The following OSTN variants were observed in gnomAD, a reference collection of about 807,000 sequenced individuals.
OSTN encodes osteocrin.
Under a neutral mutation model 12.0 loss-of-function variants are expected in OSTN, and 9 were observed. The observed-to-expected ratio is 0.75, with a 90% CI of 0.45 to 1.30. The LOEUF is 1.30. Among genes scored for constraint, OSTN ranks in the 50% most tolerant of loss-of-function variants. The pLI, the probability that OSTN is intolerant of heterozygous loss-of-function variation, is 0.00. For missense variants in OSTN, 148 were observed against 152.3 expected, an observed-to-expected ratio of 0.97 and a Z score of 0.15; for synonymous variants, 59 against 56.9, an observed-to-expected ratio of 1.04 and a Z score of -0.16.
At chr3:191,208,961 C>G (rs1576922272) in intron 1 of OSTN, among the ~76,000 whole-genome samples, 1 of 152,244 alleles carries the variant, frequency 6.6e-6, no homozygotes, top group African/African-American at 2.4e-5. Context: ...AGTTCGAGAG[C>G]AGCCTGGTCA....
chr3:191,254,854 A>C (rs1172226437), intron 4 of OSTN, among the ~76,000 whole-genome samples: 1 of 152,186 alleles, frequency 6.6e-6, no homozygotes, highest in Admixed American at 6.5e-5. Context: ...CTCAGATTAG[A>C]CTTTCAAAAG....
At chr3:191,241,220 C>G (rs1320594907) in intron 3 of OSTN, among the ~76,000 whole-genome samples, 3 of 121,082 alleles carry the variant, frequency 2.5e-5, no homozygotes, top group Non-Finnish European at 4.9e-5. Flanking sequence ...GCTCTGTCGC[C>G]CAGGCTGGAG....
intron 4 of OSTN, among the ~76,000 whole-genome samples, chr3:191,257,496 A>T (rs914626060): frequency 1.3e-5 from 2 of 151,988 alleles, no homozygotes; most frequent in Non-Finnish European, 2.9e-5. Flanking sequence ...GATAGGAGAG[A>T]ATCTAATCTC....
chr3:191,223,234 T>G (rs1714815490), intron 3 of OSTN, among the ~76,000 whole-genome samples: 1 of 152,198 alleles, frequency 6.6e-6, no homozygotes, highest in African/African-American at 2.4e-5. Context: ...AATAGCCATC[T>G]GAACAGATTT....
At chr3:191,237,248 G>T (rs1715213083) in intron 3 of OSTN, among the ~76,000 whole-genome samples, 2 of 152,186 alleles carry the variant, frequency 1.3e-5, no homozygotes, top group African/African-American at 2.4e-5. Flanking sequence ...TAAGATATTT[G>T]TCAAAGGCCA....
chr3:191,199,290 C>G lies in OSTN; in HGVS notation c.-18C>G, dbSNP rs1714101244. 1 of 152,078 alleles carries G rather than the reference C, an allele frequency of 6.6e-6. No individual in the cohort carries two copies. Among genetic ancestry groups the G allele is most frequent in the African/African-American group, 2.4e-5 (1 of 41,436 alleles). 9.4% of individuals were successfully genotyped at this position (152,078 alleles called of 1,614,324 possible). A position where few individuals can be genotyped will look rare whatever the true frequency, so the allele number is the denominator to read the frequency against. On this transcript the variant is annotated 5_prime_UTR_variant, in exon 1 of 5. It adds an upstream start codon to the 5' untranslated region. Transcript: ENST00000682035. ...AGAGACAGTACTCTAAAGTTAGAAT[C>G]TCCTGATCTTTCACGAGGTAAGTTA...
At chr3:191,222,340 G>T (rs919543613) in intron 3 of OSTN, among the ~76,000 whole-genome samples, 1 of 152,068 alleles carries the variant, frequency 6.6e-6, no homozygotes, top group Non-Finnish European at 1.5e-5. Context: ...GCAGCCAAGA[G>T]GGGATGACCT....
At chr3:191,201,393 AT>A (rs1182332114) in intron 1 of OSTN, among the ~76,000 whole-genome samples, 2 of 152,102 alleles carry the variant, frequency 1.3e-5, no homozygotes, top group Non-Finnish European at 2.9e-5. Flanking sequence ...ACAATTTTTA[AT>A]GATTGCTTCC....
At chr3:191,202,993 AT>A (rs1322232058) in intron 1 of OSTN, among the ~76,000 whole-genome samples, 1 of 152,216 alleles carries the variant, frequency 6.6e-6, no homozygotes, top group Non-Finnish European at 1.5e-5. Flanking sequence ...TAGAGGAATG[AT>A]TATTTGAGGT....
intron 4 of OSTN, among the ~76,000 whole-genome samples, chr3:191,260,040 T>C (rs6778785): frequency 0.54 from 81,298 of 150,786 alleles, 22,682 homozygotes; most frequent in Non-Finnish European, 0.6. Context: ...TTAGTAGAGA[T>C]GGGGTTTCAC....
chr3:191,210,772 T>C (rs1335043643), intron 1 of OSTN, among the ~76,000 whole-genome samples: 7 of 152,208 alleles, frequency 4.6e-5, no homozygotes, highest in African/African-American at 1.7e-4. Context: ...AGGATGAAGT[T>C]GGAAGGCTTT....
chr3:191,205,435 T>TAAAA (rs10662024), intron 1 of OSTN, among the ~76,000 whole-genome samples: 12 of 147,856 alleles, frequency 8.1e-5, no homozygotes, highest in East Asian at 2.1e-4. Context: ...TCACGTCAAG[T>TAAAA]AAAAAAAAAT....
intron 4 of OSTN, among the ~76,000 whole-genome samples, chr3:191,254,864 G>A (rs1715635906): frequency 6.6e-6 from 1 of 152,150 alleles, no homozygotes; most frequent in Non-Finnish European, 1.5e-5. Flanking sequence ...ACTTTCAAAA[G>A]CTTCTTGAGG....
chr3:191,235,846 A>G (rs6762027), intron 3 of OSTN, among the ~76,000 whole-genome samples: 118,580 of 152,164 alleles, frequency 0.78, 46,614 homozygotes, highest in African/African-American at 0.88. Flanking sequence ...AAAGTGAAGC[A>G]GTTCTTGGTG....
At chr3:191,262,519 T>C (rs1203346088) in intron 4 of OSTN, among the ~76,000 whole-genome samples, 7 of 152,204 alleles carry the variant, frequency 4.6e-5, no homozygotes, top group Non-Finnish European at 1.0e-4. Context: ...GTCCTTCTTT[T>C]GTTTGTCACG....
At chr3:191,227,774 G>A (rs1714949519) in intron 3 of OSTN, among the ~76,000 whole-genome samples, 1 of 152,084 alleles carries the variant, frequency 6.6e-6, no homozygotes, top group Admixed American at 6.5e-5. Flanking sequence ...GCTTGGATTA[G>A]TGATTGTTTT....
chr3:191,219,873 T>A (rs1019472933), intron 3 of OSTN, among the ~76,000 whole-genome samples: 2 of 152,122 alleles, frequency 1.3e-5, no homozygotes, highest in Admixed American at 1.3e-4. Flanking sequence ...AATTATTAAA[T>A]TTTTTTAACA....
At chr3:191,215,376 C>T (rs1295075790) in intron 2 of OSTN, among the ~76,000 whole-genome samples, 1 of 152,186 alleles carries the variant, frequency 6.6e-6, no homozygotes, top group Non-Finnish European at 1.5e-5. Context: ...CCACTTGCCC[C>T]TCCCAAATCT....
At chr3:191,255,066 G>C (rs1187623201) in intron 4 of OSTN, among the ~76,000 whole-genome samples, 2 of 152,188 alleles carry the variant, frequency 1.3e-5, no homozygotes, top group African/African-American at 4.8e-5. Flanking sequence ...CCAAGGACCA[G>C]GGGGCAGGGG....
Sources: gnomAD v4.1 joint callset for allele counts (sites outside exome capture counted in the v4.1 genomes callset) on GRCh38, gnomAD v4.1.1 for gene constraint, MANE v1.5 for transcripts, NCBI Gene and HGNC (gene_info 2026-07-23, HGNC 2026-07-21) for gene names.